The following EVI5 variants were observed in gnomAD, a reference collection of about 807,000 sequenced individuals.
EVI5 encodes ecotropic viral integration site 5.
A neutral mutation model predicts 112.0 loss-of-function variants in EVI5; 73 were observed. The ratio of observed to expected loss-of-function variants is 0.65; its 90% CI spans 0.54 to 0.79. The LOEUF is 0.79. Among genes scored for constraint, EVI5 ranks in the 30% least tolerant of loss-of-function variants. EVI5 has a pLI of 0.00. For synonymous variants in EVI5, 305 were observed against 319.9 expected, an observed-to-expected ratio of 0.95 and a Z score of 0.50; for missense variants, 900 against 968.8, an observed-to-expected ratio of 0.93 and a Z score of 0.94.
chr1:92,737,709 T>C (rs1010492420), intron 1 of EVI5, among the ~76,000 whole-genome samples: 7 of 152,260 alleles, frequency 4.6e-5, no homozygotes, highest in Admixed American at 3.3e-4. Flanking sequence ...AATATATACA[T>C]GGCTTTTTCT....
At chr1:92,732,274 T>A in intron 2 of EVI5, 1 of 369,222 alleles carries the variant, frequency 2.7e-6, no homozygotes, top group South Asian at 2.5e-5. Flanking sequence ...TGAGACACCA[T>A]CATCAGTCAG....
chr1:92,748,278 A>T (rs1055706100), intron 1 of EVI5, among the ~76,000 whole-genome samples: 3 of 152,172 alleles, frequency 2.0e-5, no homozygotes, highest in South Asian at 2.1e-4. Context: ...CGCAGAGACC[A>T]CATGGAGAGT....
chr1:92,727,125 T>C (rs906714904), intron 2 of EVI5, among the ~76,000 whole-genome samples: 1 of 152,190 alleles, frequency 6.6e-6, no homozygotes, highest in Non-Finnish European at 1.5e-5. Flanking sequence ...CCACTTATTG[T>C]ATCCATCATA....
intron 1 of EVI5, among the ~76,000 whole-genome samples, chr1:92,762,034 A>G (rs188244470): frequency 3.3e-5 from 5 of 152,340 alleles, no homozygotes; most frequent in African/African-American, 1.2e-4. Context: ...TAAGCTAACA[A>G]CTATCAGAGA....
chr1:92,766,120 T>C (rs915952897), intron 1 of EVI5, among the ~76,000 whole-genome samples: 1 of 146,906 alleles, frequency 6.8e-6, no homozygotes, highest in Non-Finnish European at 1.5e-5. Context: ...ATAATAATAA[T>C]AATAATAATA....
chr1:92,576,894 T>C (rs1223993195), intron 18 of EVI5, among the ~76,000 whole-genome samples: 1 of 152,204 alleles, frequency 6.6e-6, no homozygotes, highest in Non-Finnish European at 1.5e-5. Context: ...GAATATTCAC[T>C]GGAATAACAT....
At chr1:92,612,949 C>T (rs1652221419) in intron 16 of EVI5, among the ~76,000 whole-genome samples, 1 of 152,186 alleles carries the variant, frequency 6.6e-6, no homozygotes, top group African/African-American at 2.4e-5. Flanking sequence ...CAAACTCTTG[C>T]ACACTTTTCT....
chr1:92,784,424 T>C, intron 1 of EVI5: 5 of 985,222 alleles, frequency 5.1e-6, no homozygotes, highest in Non-Finnish European at 6.0e-6. Flanking sequence ...GACGCCAACT[T>C]TGCAAGTCAG....
At chr1:92,673,708 G>T (rs1377732733) in intron 10 of EVI5, among the ~76,000 whole-genome samples, 1 of 152,106 alleles carries the variant, frequency 6.6e-6, no homozygotes, top group Non-Finnish European at 1.5e-5. Flanking sequence ...TACTGATAAA[G>T]ATGTTTCTAT....
chr1:92,578,674 C>T (rs564012167), intron 18 of EVI5, among the ~76,000 whole-genome samples: 38 of 150,168 alleles, frequency 2.5e-4, no homozygotes, highest in African/African-American at 6.1e-4. Context: ...GCTGAGATCG[C>T]GCCACTGCAC....
chr1:92,638,591 T>C (rs1659349872), intron 13 of EVI5, among the ~76,000 whole-genome samples: 1 of 152,134 alleles, frequency 6.6e-6, no homozygotes, highest in Non-Finnish European at 1.5e-5. Flanking sequence ...TATAAACATG[T>C]TTTAATGTTT....
chr1:92,589,176 C>T (rs549028387), intron 18 of EVI5, among the ~76,000 whole-genome samples: 1 of 152,320 alleles, frequency 6.6e-6, no homozygotes, highest in Non-Finnish European at 1.5e-5. Context: ...CAGTCTACAG[C>T]TCCCAGCGTG....
chr1:92,764,869 C>T (rs1682367101), intron 1 of EVI5, among the ~76,000 whole-genome samples: 2 of 152,048 alleles, frequency 1.3e-5, no homozygotes, highest in African/African-American at 4.8e-5. Flanking sequence ...GTCTGTGTAT[C>T]CGAAATAAGT....
chr1:92,657,602 G>A (rs752773019), intron 13 of EVI5, among the ~76,000 whole-genome samples: 1 of 152,126 alleles, frequency 6.6e-6, no homozygotes, highest in Non-Finnish European at 1.5e-5. Context: ...GGTTGAGGCT[G>A]CAGTGAGCCA....
intron 15 of EVI5, among the ~76,000 whole-genome samples, chr1:92,625,425 T>C (rs1655458317): frequency 6.6e-6 from 1 of 152,180 alleles, no homozygotes. Flanking sequence ...ACATTAAATT[T>C]ATAATGTTGT....
chr1:92,619,056 G>C (rs926453797), intron 16 of EVI5, among the ~76,000 whole-genome samples: 3 of 152,162 alleles, frequency 2.0e-5, no homozygotes, highest in African/African-American at 7.2e-5. Flanking sequence ...ATAGGTTCAA[G>C]TTCAAGCTGA....
At chr1:92,661,712 T>C (rs1321028019) in intron 13 of EVI5, among the ~76,000 whole-genome samples, 1 of 152,138 alleles carries the variant, frequency 6.6e-6, no homozygotes, top group African/African-American at 2.4e-5. Context: ...AAGATGTTTA[T>C]GACCCTTTCA....
chr1:92,513,606 TATGATAACTG>T lies in EVI5; in HGVS notation c.*40_*49del, dbSNP rs1659378456. 1.7e-6 allele frequency: 2 copies of T among 1,180,542 alleles called. No homozygotes were observed. Among genetic ancestry groups the T allele is most frequent in the African/African-American group, 3.1e-5 (2 of 64,098 alleles). The allele number at this position is 1,180,542 out of a possible 1,614,324, so 73.1% of individuals were successfully genotyped here. On this transcript the variant is annotated 3_prime_UTR_variant, in exon 20 of 20. Coordinates refer to ENST00000684568, the MANE Select transcript of EVI5 (RefSeq NM_001350197.2). The stretch of plus-strand genomic sequence containing the variant: ...AATTATTTCCAAAAAGCCCTAATCA[TATGATAACTG>T]ATCCCTTAAATAAATCCATAGTCTA...
intron 2 of EVI5, among the ~76,000 whole-genome samples, chr1:92,724,365 T>G (rs548029748): frequency 2.5e-4 from 38 of 152,276 alleles, no homozygotes; most frequent in African/African-American, 9.1e-4. Flanking sequence ...GGCTGGTTCC[T>G]CCGATACCAT....
Sources: allele counts gnomAD v4.1 joint callset (sites outside exome capture counted in the v4.1 genomes callset), GRCh38; gene constraint gnomAD v4.1.1; transcripts MANE v1.5; gene names NCBI Gene and HGNC (gene_info 2026-07-23, HGNC 2026-07-21).